The following HTR4 variants were observed in gnomAD, a reference collection of about 807,000 sequenced individuals.
The protein encoded by HTR4 is 5-hydroxytryptamine receptor 4, also known as 5-hydroxytryptamine (serotonin) receptor 4, G protein-coupled.
HTR4 carries 16 observed loss-of-function variants against 36.8 expected under a neutral mutation model. The ratio of observed to expected loss-of-function variants is 0.43; its 90% CI spans 0.29 to 0.66. The LOEUF is 0.66. Among genes scored for constraint, HTR4 ranks in the 30% least tolerant of loss-of-function variants. The pLI, the probability that HTR4 is intolerant of heterozygous loss-of-function variation, is 0.13. For synonymous variants in HTR4, 189 were observed against 185.1 expected (o/e 1.02, Z -0.17); for missense variants, 438 against 490.9 (o/e 0.89, Z 1.02).
downstream of HTR4, among the ~76,000 whole-genome samples, chr5:148,480,544 A>G (rs908410930): frequency 6.6e-6 from 1 of 152,158 alleles, no homozygotes; most frequent in Non-Finnish European, 1.5e-5. Flanking sequence ...ATACTCGGCT[A>G]ATTTTTGTAG....
At chr5:148,573,386 C>T (rs1015947836) in intron 2 of HTR4, among the ~76,000 whole-genome samples, 5 of 151,942 alleles carry the variant, frequency 3.3e-5, no homozygotes, top group Non-Finnish European at 7.4e-5. Context: ...TGTCTGTGTG[C>T]ATTGTCAGGA....
intron 2 of HTR4, among the ~76,000 whole-genome samples, chr5:148,585,539 T>C (rs1430097194): frequency 6.6e-6 from 1 of 152,208 alleles, no homozygotes; most frequent in East Asian, 1.9e-4. Flanking sequence ...ATTCCTGTTC[T>C]CACGGGATTT....
At chr5:148,644,231 G>A (rs574651959) in intron 1 of HTR4, among the ~76,000 whole-genome samples, 2 of 152,250 alleles carry the variant, frequency 1.3e-5, no homozygotes, top group South Asian at 4.2e-4. Flanking sequence ...TTCTTATGCA[G>A]TAGGTATCTA....
chr5:148,609,697 C>T (rs897554644), intron 2 of HTR4, among the ~76,000 whole-genome samples: 2 of 151,730 alleles, frequency 1.3e-5, no homozygotes, highest in African/African-American at 2.4e-5. Flanking sequence ...TCCCGAGTAG[C>T]TGGGACTACA....
downstream of HTR4, among the ~76,000 whole-genome samples, chr5:148,473,316 A>G (rs2113706353): frequency 6.6e-6 from 1 of 152,084 alleles, no homozygotes; most frequent in African/African-American, 2.4e-5. Flanking sequence ...AAAAAAAAAA[A>G]AAAGAGGTAG....
chr5:148,509,993 T>C lies in HTR4; in HGVS notation c.539A>G (p.Asn180Ser). ...IEKRKFNQNS[N>S]STYCVFMVNK... ...GACCATGAAGACACAGTACGTAGAG[T>C]TAGAGTTCTGGTTGAACTTCCTCTT... Residue 180 changes from asparagine to serine, a missense_variant, in exon 6 of 7, where the codon AAC becomes AGC. Transcript: ENST00000377888. The C allele has an allele frequency of 6.2e-7, 1 of 1,613,044 alleles. No individual in the cohort carries two copies.
chr5:148,468,186 C>G (rs983200011), intron 5 of HTR4, among the ~76,000 whole-genome samples: 1 of 152,118 alleles, frequency 6.6e-6, no homozygotes, highest in African/African-American at 2.4e-5. Flanking sequence ...TAGCCAACTG[C>G]CTGGCAGCAG....
intron 6 of HTR4, among the ~76,000 whole-genome samples, chr5:148,506,872 C>G (rs913202425): frequency 2.0e-5 from 3 of 152,076 alleles, no homozygotes; most frequent in Non-Finnish European, 4.4e-5. Flanking sequence ...AGTCAGGAAA[C>G]AACAGGTGCT....
Position 148,540,888 on chromosome 5 carries a change from C to A in HTR4, c.353+7780G>T, listed in dbSNP as rs575885055. On this transcript the variant is annotated intron_variant, in intron 4 of 6. Coordinates refer to ENST00000377888, the MANE Select transcript of HTR4 (RefSeq NM_000870.7). ...GCACTCAGCTATGAGTCAGAAAGAA[C>A]AAGATGACTATCAGTGTCTGGGAAG... 5.9e-5 allele frequency among the ~76,000 whole-genome samples: 9 copies of A among 152,190 alleles called. No individual in the cohort carries two copies. The South Asian group carries it at 1.9e-3, about 32-fold the overall frequency.
chr5:148,571,108 T>A (rs1305461083), intron 2 of HTR4, among the ~76,000 whole-genome samples: 1 of 152,102 alleles, frequency 6.6e-6, no homozygotes, highest in Non-Finnish European at 1.5e-5. Context: ...ACATTCTCCA[T>A]GATTCTAGAA....
At chr5:148,465,838 T>A (rs1755412464) in intron 5 of HTR4, 1 of 1,606,852 alleles carries the variant, frequency 6.2e-7, no homozygotes, top group African/African-American at 1.3e-5. Flanking sequence ...CAACAGACAG[T>A]GACAGACTTA....
intron 2 of HTR4, among the ~76,000 whole-genome samples, chr5:148,622,496 GT>G (rs1313907222): frequency 6.6e-6 from 1 of 152,160 alleles, no homozygotes; most frequent in Non-Finnish European, 1.5e-5. Flanking sequence ...ATATTGTGAT[GT>G]CATTCTTGTC....
chr5:148,619,611 G>A (rs1311533075), intron 2 of HTR4, among the ~76,000 whole-genome samples: 1 of 152,050 alleles, frequency 6.6e-6, no homozygotes, highest in African/African-American at 2.4e-5. Flanking sequence ...CACTAATGAA[G>A]CCAGCAGGAG....
At chr5:148,467,984 CA>C (rs1323259012) in intron 5 of HTR4, among the ~76,000 whole-genome samples, 1 of 152,212 alleles carries the variant, frequency 6.6e-6, no homozygotes, top group Non-Finnish European at 1.5e-5. Context: ...TTTAAATGAC[CA>C]TGGCACAGCC....
Position 148,623,926 on chromosome 5 carries a change from CTCCCGGA to C in HTR4, c.26+13056_26+13062del, listed in dbSNP as rs544775567. Among the ~76,000 whole-genome samples the C allele has an allele frequency of 3.9e-3, 589 of 152,310 alleles. 1 individual carries two copies. Among genetic ancestry groups the C allele is most frequent in the South Asian group, 7.7e-3 (37 of 4,828 alleles). The stretch of plus-strand genomic sequence containing the variant: ...AAAGGTTATTAAAAGGGCGTTCCCC[CTCCCGGA>C]TTTTCTTGGAGGGTTCCTGAATCAC... On this transcript the variant is annotated intron_variant, in intron 2 of 6. Transcript: ENST00000377888.
chr5:148,478,597 A>G (rs1426509360), downstream of HTR4, among the ~76,000 whole-genome samples: 2 of 152,166 alleles, frequency 1.3e-5, no homozygotes, highest in African/African-American at 2.4e-5. Flanking sequence ...CACAGAGGGT[A>G]TTCCCTGGTC....
At chr5:148,480,745 A>C (rs1188022721), downstream of HTR4, among the ~76,000 whole-genome samples, 3 of 152,170 alleles carry the variant, frequency 2.0e-5, no homozygotes, top group Non-Finnish European at 2.9e-5. Flanking sequence ...TGCCCTGGGC[A>C]TTTCTTTCTC....
chr5:148,477,319 G>C (rs1755732026), downstream of HTR4, among the ~76,000 whole-genome samples: 1 of 152,112 alleles, frequency 6.6e-6, no homozygotes, highest in African/African-American at 2.4e-5. Flanking sequence ...ATGCTATTTG[G>C]AACTAGCTAA....
chr5:148,596,969 C>T (rs1437943181), intron 2 of HTR4, among the ~76,000 whole-genome samples: 1 of 152,242 alleles, frequency 6.6e-6, no homozygotes, highest in East Asian at 1.9e-4. Flanking sequence ...TAAGCAGCCC[C>T]TGAAGAGGTA....
Sources: gnomAD v4.1 joint callset for allele counts (sites outside exome capture counted in the v4.1 genomes callset) on GRCh38, gnomAD v4.1.1 for gene constraint, MANE v1.5 for transcripts, NCBI Gene and HGNC (gene_info 2026-07-23, HGNC 2026-07-21) for gene names.